AUTS2: variants seen among roughly 807,000 people sequenced by gnomAD.
The protein encoded by AUTS2 is autism susceptibility gene 2 protein.
In AUTS2, 17 loss-of-function variants were observed where a neutral mutation model predicts 112.4. The observed-to-expected ratio is 0.15, with a 90% CI of 0.10 to 0.23. The LOEUF (loss-of-function observed/expected upper bound fraction) is 0.23. Ranked by LOEUF, AUTS2 falls within the 10% of genes least tolerant of loss-of-function variation. AUTS2 has a pLI of 1.00. For missense variants in AUTS2, 1,510 were observed against 1,701.6 expected, an observed-to-expected ratio of 0.89 and a Z score of 1.98; for synonymous variants, 751 against 702.7, an observed-to-expected ratio of 1.07 and a Z score of -1.09.
At chr7:69,969,755 A>T (rs1036766418) in intron 2 of AUTS2, among the ~76,000 whole-genome samples, 1 of 152,192 alleles carries the variant, frequency 6.6e-6, no homozygotes, top group African/African-American at 2.4e-5. Flanking sequence ...AAAAGGACAA[A>T]AAAAGAAATT....
intron 1 of AUTS2, among the ~76,000 whole-genome samples, chr7:69,809,681 A>C (rs931809090): frequency 1.3e-5 from 2 of 152,204 alleles, no homozygotes; most frequent in Non-Finnish European, 2.9e-5. Flanking sequence ...CTGCCATCTC[A>C]GAACAAGAGA....
intron 4 of AUTS2, among the ~76,000 whole-genome samples, chr7:70,410,848 A>ATTC (rs1794746647): frequency 6.9e-6 from 1 of 144,914 alleles, no homozygotes; most frequent in Non-Finnish European, 1.6e-5. Flanking sequence ...TATTATTATT[A>ATTC]TTGTTATTAT....
At chr7:69,901,402 G>T (rs1484936541) in intron 2 of AUTS2, among the ~76,000 whole-genome samples, 2 of 151,866 alleles carry the variant, frequency 1.3e-5, no homozygotes, top group African/African-American at 4.8e-5. Flanking sequence ...TTTCTATTCT[G>T]TGTCCTCAGA....
intron 4 of AUTS2, among the ~76,000 whole-genome samples, chr7:70,342,278 T>C (rs1408016885): frequency 1.3e-5 from 2 of 152,104 alleles, no homozygotes; most frequent in Non-Finnish European, 2.9e-5. Context: ...CATTTTTAAC[T>C]GGAAAGGAAA....
At chr7:70,004,353 ATATT>A (rs1362078400) in intron 2 of AUTS2, among the ~76,000 whole-genome samples, 4 of 133,694 alleles carry the variant, frequency 3.0e-5, no homozygotes, top group South Asian at 4.5e-4. Flanking sequence ...ATTCATATAT[ATATT>A]ATGTATGAAT....
At chr7:69,728,261 G>T (rs1463810366) in intron 1 of AUTS2, among the ~76,000 whole-genome samples, 1 of 152,212 alleles carries the variant, frequency 6.6e-6, no homozygotes, top group Non-Finnish European at 1.5e-5. Context: ...GCCTTGTGTG[G>T]CTCCTATTCC....
intron 5 of AUTS2, among the ~76,000 whole-genome samples, chr7:70,685,908 A>C (rs539793477): frequency 6.6e-6 from 1 of 151,150 alleles, no homozygotes; most frequent in Non-Finnish European, 1.5e-5. Context: ...CTCCCTTCCC[A>C]CCCTCCCAGA....
intron 4 of AUTS2, among the ~76,000 whole-genome samples, chr7:70,376,993 C>T (rs1389283283): frequency 3.3e-5 from 5 of 151,658 alleles, no homozygotes; most frequent in African/African-American, 9.7e-5. Flanking sequence ...CTAATGTCCA[C>T]GAACTGGATA....
intron 4 of AUTS2, among the ~76,000 whole-genome samples, chr7:70,234,829 A>T (rs1016531091): frequency 6.6e-6 from 1 of 152,000 alleles, no homozygotes; most frequent in Non-Finnish European, 1.5e-5. Flanking sequence ...TGGAATATTG[A>T]TCTTCACCGA....
At chr7:69,867,704 C>A (rs199794987) in intron 1 of AUTS2, among the ~76,000 whole-genome samples, 5 of 152,034 alleles carry the variant, frequency 3.3e-5, no homozygotes, top group African/African-American at 9.7e-5. Flanking sequence ...CTTAAGAGTG[C>A]GTGGCAAAAA....
At chr7:70,012,630 T>G (rs1251973491) in intron 2 of AUTS2, among the ~76,000 whole-genome samples, 1 of 152,154 alleles carries the variant, frequency 6.6e-6, no homozygotes, top group African/African-American at 2.4e-5. Flanking sequence ...TTTCATTATA[T>G]TCAATTCATT....
At chr7:69,802,016 T>C (rs140033052) in intron 1 of AUTS2, among the ~76,000 whole-genome samples, 229 of 152,218 alleles carry the variant, frequency 1.5e-3, no homozygotes, top group East Asian at 3.3e-3. Flanking sequence ...AGGTGGGTAT[T>C]TGGGAGAAGT....
intron 5 of AUTS2, among the ~76,000 whole-genome samples, chr7:70,447,380 A>G (rs918177441): frequency 6.6e-6 from 1 of 152,220 alleles, no homozygotes; most frequent in Non-Finnish European, 1.5e-5. Context: ...TTCAAATTCT[A>G]TATGGTTTCT....
intron 11 of AUTS2, 46 bp from the exon 12 acceptor site, chr7:70,773,982 C>A: frequency 6.4e-7 from 1 of 1,570,496 alleles, no homozygotes; most frequent in South Asian, 1.1e-5. Context: ...TTTCATGTCA[C>A]CTGTTTTGTG....
chr7:69,882,214 G>A (rs1794086539), intron 1 of AUTS2, among the ~76,000 whole-genome samples: 1 of 148,650 alleles, frequency 6.7e-6, no homozygotes, highest in African/African-American at 2.5e-5. Context: ...GCTCATGCCT[G>A]TAATCCCAGC....
chr7:70,062,666 A>T (rs1156389761), intron 2 of AUTS2, among the ~76,000 whole-genome samples: 1 of 152,160 alleles, frequency 6.6e-6, no homozygotes, highest in African/African-American at 2.4e-5. Context: ...CTTCTCTCTC[A>T]TGTTACGCAT....
At chr7:70,332,572 G>C (rs1790805092) in intron 4 of AUTS2, among the ~76,000 whole-genome samples, 1 of 152,102 alleles carries the variant, frequency 6.6e-6, no homozygotes, top group Admixed American at 6.6e-5. Flanking sequence ...ATACTACAAG[G>C]CTACAGTAAC....
chr7:69,627,810 G>A (rs901122177), intron 1 of AUTS2, among the ~76,000 whole-genome samples: 6 of 152,154 alleles, frequency 3.9e-5, no homozygotes, highest in African/African-American at 1.2e-4. Flanking sequence ...GTTTCCTTGT[G>A]TATAAAATGG....
At chr7:70,508,558 T>A (rs1799061378) in intron 5 of AUTS2, among the ~76,000 whole-genome samples, 1 of 152,184 alleles carries the variant, frequency 6.6e-6, no homozygotes, top group Admixed American at 6.5e-5. Flanking sequence ...TCCCCAGTAG[T>A]CAGTCCTGAA....
Sources: gnomAD v4.1 joint callset for allele counts (sites outside exome capture counted in the v4.1 genomes callset) on GRCh38, gnomAD v4.1.1 for gene constraint, MANE v1.5 for transcripts, NCBI Gene and HGNC (gene_info 2026-07-23, HGNC 2026-07-21) for gene names.